The following CNTN4 variants were observed in gnomAD, a reference collection of about 807,000 sequenced individuals.
The protein encoded by CNTN4 is contactin 4, also known as contactin-4.
In CNTN4, 77 loss-of-function variants were observed where a neutral mutation model predicts 122.5. That is an observed-to-expected ratio of 0.63 (90% CI 0.52 to 0.76). The LOEUF is 0.76. Among genes scored for constraint, CNTN4 ranks in the 30% least tolerant of loss-of-function variants. The probability of loss-of-function intolerance (pLI) is 0.00; values close to 1 mark genes in which losing one functional copy is unlikely to be tolerated. For missense variants in CNTN4, 1,256 were observed against 1,259.1 expected (o/e 1.00, Z 0.04); for synonymous variants, 512 against 447.0 (o/e 1.15, Z -1.83).
At chr3:2,367,686 T>G (rs1301645336) in intron 3 of CNTN4, among the ~76,000 whole-genome samples, 2 of 152,164 alleles carry the variant, frequency 1.3e-5, no homozygotes, top group African/African-American at 2.4e-5. Flanking sequence ...GGTTTCACCA[T>G]GTTGACCAGG....
At chr3:2,460,741 T>C (rs898358563) in intron 3 of CNTN4, among the ~76,000 whole-genome samples, 1 of 152,208 alleles carries the variant, frequency 6.6e-6, no homozygotes, top group African/African-American at 2.4e-5. Context: ...TCTTATAGAT[T>C]AGTCTATTAA....
chr3:2,472,510 A>G (rs975261160), intron 3 of CNTN4, among the ~76,000 whole-genome samples: 12 of 152,290 alleles, frequency 7.9e-5, no homozygotes, highest in Non-Finnish European at 1.6e-4. Flanking sequence ...AAGTGCTGGG[A>G]TTACTGGCAT....
In CNTN4 at chr3:2,964,202, A is replaced by G. The variant is rs548651012; in HGVS notation, c.1359-24143A>G. 2.0e-5 allele frequency among the ~76,000 whole-genome samples: 3 copies of G among 152,336 alleles called. No individual in the cohort carries two copies. The South Asian group carries it at 6.2e-4, about 32-fold the overall frequency. ...TTCCTCTCAATTCCCTATCATGAGG[A>G]AAAGAAATTGGCATCTTATCTCTAC... On this transcript the variant is annotated intron_variant, in intron 13 of 24. Coordinates refer to ENST00000418658, the MANE Select transcript of CNTN4 (RefSeq NM_175607.3).
intron 4 of CNTN4, among the ~76,000 whole-genome samples, chr3:2,672,147 A>G (rs1212020918): frequency 6.6e-6 from 1 of 152,184 alleles, no homozygotes; most frequent in Non-Finnish European, 1.5e-5. Context: ...AAGCTGTCAG[A>G]CAGGGACATT....
At chr3:2,677,112 ATAGATAGATCACTCTTT>A (rs2084891773) in intron 4 of CNTN4, among the ~76,000 whole-genome samples, 1 of 150,606 alleles carries the variant, frequency 6.6e-6, no homozygotes, top group African/African-American at 2.4e-5. Flanking sequence ...CTATAGATAG[ATAGATAGATCACTCTTT>A]TAGATAGATA....
intron 2 of CNTN4, among the ~76,000 whole-genome samples, chr3:2,170,008 C>G (rs2036399320): frequency 6.6e-6 from 1 of 151,676 alleles, no homozygotes; most frequent in Admixed American, 6.6e-5. Context: ...TAGTTATTAG[C>G]TAATACTTGC....
chr3:2,175,287 A>G (rs928586538), intron 2 of CNTN4, among the ~76,000 whole-genome samples: 1 of 151,192 alleles, frequency 6.6e-6, no homozygotes, highest in East Asian at 1.9e-4. Flanking sequence ...TTTTTGTAGG[A>G]TTCCCTGTCT....
rs149917282 is a variant in CNTN4 at position 2,617,701 on chromosome 3, G to A, written c.55+46143G>A. ...CTCCCAAAGTGCTGGGATTACAGGTGTGAGCCACTGGTGGCCGACCCGAGA... is the reference window on the plus strand; with the variant it reads ...CTCCCAAAGTGCTGGGATTACAGGTATGAGCCACTGGTGGCCGACCCGAGA... On this transcript the variant is annotated intron_variant, in intron 4 of 24. Transcript: ENST00000418658. Among the ~76,000 whole-genome samples, 606 of 152,140 alleles carry A rather than the reference G, an allele frequency of 4.0e-3. 6 individuals are homozygous for A. Among genetic ancestry groups the A allele is most frequent in the African/African-American group, 0.014 (569 of 41,530 alleles).
At chr3:2,255,180 A>G (rs1267877579) in intron 2 of CNTN4, among the ~76,000 whole-genome samples, 1 of 152,126 alleles carries the variant, frequency 6.6e-6, no homozygotes, top group Non-Finnish European at 1.5e-5. Flanking sequence ...AGGTTAGTCA[A>G]AGTTCAGCTG....
At chr3:2,664,773 A>G (rs945100495) in intron 4 of CNTN4, among the ~76,000 whole-genome samples, 1 of 152,170 alleles carries the variant, frequency 6.6e-6, no homozygotes, top group African/African-American at 2.4e-5. Flanking sequence ...GGTTCGTGTT[A>G]TTCAAAGCGT....
intron 10 of CNTN4, among the ~76,000 whole-genome samples, chr3:2,887,608 A>G (rs2093993564): frequency 6.7e-6 from 1 of 149,728 alleles, no homozygotes; most frequent in South Asian, 2.1e-4. Flanking sequence ...TAGAATTTTG[A>G]TTTGAGGCTT....
chr3:2,601,421 G>C (rs9826229), intron 4 of CNTN4, among the ~76,000 whole-genome samples: 2,653 of 152,156 alleles, frequency 0.017, 39 homozygotes, highest in African/African-American at 0.045. Flanking sequence ...TCTACATATG[G>C]GTAGCCAGTT....
In CNTN4 at chr3:2,276,984, A is replaced by G. The variant is rs186360935; in HGVS notation, c.-144-62194A>G. Among the ~76,000 whole-genome samples the G allele has an allele frequency of 2.5e-3, 374 of 152,322 alleles. 1 individual carries two copies. The highest frequency in any genetic ancestry group is 8.8e-3 in the African/African-American group (364 of 41,586). On this transcript the variant is annotated intron_variant, in intron 2 of 24. Transcript: ENST00000418658. The stretch of plus-strand genomic sequence containing the variant: ...GTTGCTTTAAAAAAATCCATATGCC[A>G]CAGGATGGCTCAGGATATCAATCTA...
intron 4 of CNTN4, among the ~76,000 whole-genome samples, chr3:2,618,394 T>C (rs890469855): frequency 6.6e-6 from 1 of 152,176 alleles, no homozygotes; most frequent in Non-Finnish European, 1.5e-5. Flanking sequence ...CGTATACACA[T>C]ATTATTACAA....
At chr3:2,225,865 G>A (rs555217452) in intron 2 of CNTN4, among the ~76,000 whole-genome samples, 106 of 152,090 alleles carry the variant, frequency 7.0e-4, no homozygotes, top group Non-Finnish European at 1.0e-4. Context: ...CTCCTTTTAG[G>A]GGATAGAGTG....
chr3:2,717,953 A>G (rs538245337), intron 4 of CNTN4, among the ~76,000 whole-genome samples: 163 of 152,246 alleles, frequency 1.1e-3, no homozygotes, highest in Admixed American at 2.2e-3. Flanking sequence ...TTGACCATTT[A>G]TACATCTCTG....
At chr3:2,404,262 C>G (rs2046954105) in intron 3 of CNTN4, among the ~76,000 whole-genome samples, 1 of 152,178 alleles carries the variant, frequency 6.6e-6, no homozygotes. Context: ...TAGGGTCTCA[C>G]AAGGCCTACA....
At position 2,185,644 on chromosome 3, in the gene CNTN4, C is replaced by A. The variant is rs189830187; in HGVS notation, c.-145+85005C>A. On this transcript the variant is annotated intron_variant, in intron 2 of 24. Coordinates refer to ENST00000418658, the MANE Select transcript of CNTN4 (RefSeq NM_175607.3). ...TACAATCATGAGCCCGGCTCTCAGT[C>A]TGTGCCTCTGTTTAGAGTTTTAACT... 2.0e-5 allele frequency among the ~76,000 whole-genome samples: 3 copies of A among 152,280 alleles called. No homozygotes were observed. The East Asian group carries it at 5.8e-4, about 30-fold the overall frequency.
At chr3:2,539,429 G>A (rs1284998052) in intron 3 of CNTN4, among the ~76,000 whole-genome samples, 2 of 151,936 alleles carry the variant, frequency 1.3e-5, no homozygotes, top group Non-Finnish European at 2.9e-5. Context: ...GACGTGTTTT[G>A]GAAACAAATA....
Sources: gnomAD v4.1 joint callset for allele counts (sites outside exome capture counted in the v4.1 genomes callset) on GRCh38, gnomAD v4.1.1 for gene constraint, MANE v1.5 for transcripts, NCBI Gene and HGNC (gene_info 2026-07-23, HGNC 2026-07-21) for gene names.